Variants in RUNX1T1 observed in about 807,000 individuals in gnomAD.
RUNX1T1 encodes the protein protein CBFA2T1.
In RUNX1T1, 4 loss-of-function variants were observed where a neutral mutation model predicts 62.8. That is an observed-to-expected ratio of 0.06 (90% CI 0.03 to 0.15). The LOEUF (loss-of-function observed/expected upper bound fraction) is 0.15. Among genes scored for constraint, RUNX1T1 ranks in the 10% least tolerant of loss-of-function variants. The pLI is 1.00. For synonymous variants in RUNX1T1, 291 were observed against 286.0 expected (o/e 1.02, Z -0.18); for missense variants, 508 against 754.3 (o/e 0.67, Z 3.82).
chr8:91,981,931 T>C (rs1033995080), intron 8 of RUNX1T1, among the ~76,000 whole-genome samples: 3 of 152,014 alleles, frequency 2.0e-5, no homozygotes, highest in East Asian at 1.9e-4. Context: ...CCCCTGACAT[T>C]AGCCCTAAAC....
chr8:92,035,491 T>C lies in RUNX1T1; in HGVS notation c.8-18128A>G, dbSNP rs927176721. ...TGCATCTGCACTTGTACACTCTAAA[T>C]ACATAAAAAAAAATTTTAAAGGCGA... On this transcript the variant is annotated intron_variant, in intron 1 of 10. Transcript: ENST00000396218. Among the ~76,000 whole-genome samples the C allele has an allele frequency of 4.7e-4, 71 of 151,872 alleles. 1 individual carries two copies. The highest frequency in any genetic ancestry group is 4.1e-3 in the Admixed American group (62 of 15,250).
chr8:92,067,530 T>C (rs949134028), upstream of RUNX1T1, among the ~76,000 whole-genome samples: 8 of 152,260 alleles, frequency 5.3e-5, no homozygotes, highest in Non-Finnish European at 1.0e-4. Flanking sequence ...AATGACTTCC[T>C]AAACTGATAA....
At chr8:92,071,287 A>T (rs1381179362) in intron 2 of RUNX1T1, 1 of 152,170 alleles carries the variant, frequency 6.6e-6, no homozygotes, top group Non-Finnish European at 1.5e-5. Flanking sequence ...CCGCCTCATA[A>T]AAGCAATCTC....
chr8:92,098,481 G>C (rs912688526), intron 1 of RUNX1T1, among the ~76,000 whole-genome samples: 1 of 152,256 alleles, frequency 6.6e-6, no homozygotes, highest in South Asian at 2.1e-4. Context: ...GCTTTATACA[G>C]CACATTTCTA....
upstream of RUNX1T1, among the ~76,000 whole-genome samples, chr8:92,100,497 T>C (rs1754881796): frequency 6.6e-6 from 1 of 152,202 alleles, no homozygotes; most frequent in Non-Finnish European, 1.5e-5. Flanking sequence ...AGTATAAGAC[T>C]GATTGGTTGT....
At chr8:91,994,606 G>A (rs1306234265) in intron 5 of RUNX1T1, 4 of 498,328 alleles carry the variant, frequency 8.0e-6, no homozygotes. Context: ...TAACCTCTCT[G>A]GACCTCAGTT....
chr8:92,007,997 A>AAAAAG (rs1174891666), intron 4 of RUNX1T1, among the ~76,000 whole-genome samples: 1 of 151,704 alleles, frequency 6.6e-6, no homozygotes, highest in African/African-American at 2.4e-5. Flanking sequence ...AGAAAGAAAG[A>AAAAAG]AAAAGAAAAG....
intron 1 of RUNX1T1, among the ~76,000 whole-genome samples, chr8:92,088,031 C>G (rs1229767033): frequency 6.6e-6 from 1 of 152,162 alleles, no homozygotes; most frequent in African/African-American, 2.4e-5. Context: ...CATCAGAGGT[C>G]AAATGCGGAA....
intron 1 of RUNX1T1, among the ~76,000 whole-genome samples, chr8:92,078,269 A>G (rs567484740): frequency 1.6e-4 from 24 of 152,184 alleles, no homozygotes; most frequent in African/African-American, 5.1e-4. Context: ...TTTGTGCTTC[A>G]TATCTCCAAC....
chr8:92,016,408 G>A (rs1823006828), intron 2 of RUNX1T1, among the ~76,000 whole-genome samples: 1 of 152,198 alleles, frequency 6.6e-6, no homozygotes, highest in African/African-American at 2.4e-5. Flanking sequence ...CGGGTGCGGT[G>A]GCTCACGCCT....
chr8:91,992,117 G>A (rs1817799885), intron 5 of RUNX1T1, among the ~76,000 whole-genome samples: 1 of 152,078 alleles, frequency 6.6e-6, no homozygotes, highest in Admixed American at 6.6e-5. Flanking sequence ...CATCAAATTA[G>A]CAAATATCTT....
chr8:92,082,888 A>AGAGGAGGGAGAGAAG (rs111464829), intron 1 of RUNX1T1, among the ~76,000 whole-genome samples: 52 of 152,128 alleles, frequency 3.4e-4, no homozygotes, highest in Middle Eastern at 6.8e-3. Context: ...CCAGAGGAAG[A>AGAGGAGGGAGAGAAG]GAGGAGGGAG....
downstream of RUNX1T1, chr8:91,958,485 C>G (rs532734764): frequency 5.2e-6 from 1 of 194,004 alleles, no homozygotes; most frequent in African/African-American, 2.3e-5. Context: ...AGCTGTCAAT[C>G]TACACCTCAG....
chr8:92,032,750 C>G (rs1036983317), intron 1 of RUNX1T1, among the ~76,000 whole-genome samples: 1 of 152,116 alleles, frequency 6.6e-6, no homozygotes, highest in African/African-American at 2.4e-5. Context: ...CTGCCTCCAG[C>G]CTGGGTGACA....
chr8:92,081,987 G>A (rs985924623), intron 1 of RUNX1T1, among the ~76,000 whole-genome samples: 11 of 152,076 alleles, frequency 7.2e-5, no homozygotes, highest in Non-Finnish European at 1.2e-4. Context: ...CCAGGTTCAC[G>A]CCATTCTCCT....
At chr8:92,080,156 T>C (rs1267340238) in intron 1 of RUNX1T1, among the ~76,000 whole-genome samples, 3 of 152,070 alleles carry the variant, frequency 2.0e-5, no homozygotes, top group Non-Finnish European at 4.4e-5. Flanking sequence ...CCCTCCACAT[T>C]TGGAACTGGA....
chr8:92,081,373 G>T, intron 1 of RUNX1T1: 1 of 307,600 alleles, frequency 3.3e-6, no homozygotes, highest in Non-Finnish European at 4.8e-6. Flanking sequence ...AAAAATATCA[G>T]TACAATCATA....
At chr8:92,022,180 T>G (rs974832755) in intron 1 of RUNX1T1, among the ~76,000 whole-genome samples, 4 of 152,104 alleles carry the variant, frequency 2.6e-5, no homozygotes, top group African/African-American at 9.7e-5. Flanking sequence ...TAATTGTGGA[T>G]AGTTACATTT....
chr8:92,061,950 G>A (rs1322446612), intron 1 of RUNX1T1, among the ~76,000 whole-genome samples: 1 of 152,184 alleles, frequency 6.6e-6, no homozygotes, highest in Non-Finnish European at 1.5e-5. Flanking sequence ...AGAGGAAACT[G>A]ACATGCACTA....
Sources: gnomAD v4.1 joint callset for allele counts (sites outside exome capture counted in the v4.1 genomes callset) on GRCh38, gnomAD v4.1.1 for gene constraint, MANE v1.5 for transcripts, NCBI Gene and HGNC (gene_info 2026-07-23, HGNC 2026-07-21) for gene names.